Variants in SLC36A1 observed in about 807,000 individuals in gnomAD.
SLC36A1 encodes solute carrier family 36 member 1, also known as proton-coupled amino acid transporter 1.
In SLC36A1, 30 loss-of-function variants were observed where a neutral mutation model predicts 47.5. That is an observed-to-expected ratio of 0.63 (90% CI 0.47 to 0.86). The LOEUF is 0.86. Among genes scored for constraint, SLC36A1 ranks in the 40% least tolerant of loss-of-function variants. SLC36A1 has a pLI of 0.00. For missense variants in SLC36A1, 517 were observed against 606.0 expected (o/e 0.85, Z 1.54); for synonymous variants, 255 against 249.7 (o/e 1.02, Z -0.20).
At chr5:151,482,107 G>A (rs1266203893) in intron 10 of SLC36A1, among the ~76,000 whole-genome samples, 1 of 152,198 alleles carries the variant, frequency 6.6e-6, no homozygotes, top group African/African-American at 2.4e-5. Context: ...TGTTCAGACT[G>A]GAATGCAGAG....
At chr5:151,534,415 C>T in the SLC36A1 span, 10 of 1,605,210 alleles carry the variant, frequency 6.2e-6, no homozygotes, top group African/African-American at 1.3e-5. Flanking sequence ...TCACCTTGGT[C>T]GGGATCCCGG....
intron 7 of SLC36A1, among the ~76,000 whole-genome samples, chr5:151,468,460 T>C (rs1756903464): frequency 6.8e-6 from 1 of 147,824 alleles, no homozygotes; most frequent in African/African-American, 2.5e-5. Flanking sequence ...AATATATATA[T>C]GTAAGTGGAA....
Position 151,488,453 on chromosome 5 carries a change from C to A in SLC36A1, c.*199C>A. ...GTGGGGTGGCAGACACGCAGAAGTG[C>A]TACTAGTGACAGGGCTGCCATCGCT... is the stretch of plus-strand genomic sequence containing the variant. On this transcript the variant is annotated 3_prime_UTR_variant, in exon 11 of 11. Coordinates refer to ENST00000243389, the MANE Select transcript of SLC36A1 (RefSeq NM_078483.4). 1.5e-6 allele frequency: 1 copy of A among 650,722 alleles called. No individual in the cohort carries two copies. Among genetic ancestry groups the A allele is most frequent in the Non-Finnish European group, 2.6e-6 (1 of 385,660 alleles). 40.3% of individuals were successfully genotyped at this position (650,722 alleles called of 1,614,324 possible).
chr5:151,514,664 G>A, the SLC36A1 span, among the ~76,000 whole-genome samples: 49 of 152,082 alleles, frequency 3.2e-4, no homozygotes, highest in African/African-American at 1.0e-3. Flanking sequence ...TTTTCACTAC[G>A]TCTCTCTCCT....
intron 7 of SLC36A1, among the ~76,000 whole-genome samples, chr5:151,469,074 G>A (rs775627400): frequency 6.9e-6 from 1 of 144,548 alleles, no homozygotes; most frequent in Non-Finnish European, 1.5e-5. Flanking sequence ...GTAAAAGCGG[G>A]TAAATAAAAG....
the SLC36A1 span, among the ~76,000 whole-genome samples, chr5:151,498,236 C>T: frequency 6.6e-6 from 1 of 152,094 alleles, no homozygotes; most frequent in Non-Finnish European, 1.5e-5. Flanking sequence ...TGAGCCACTG[C>T]GCACGGCCAG....
intron 10 of SLC36A1, among the ~76,000 whole-genome samples, chr5:151,483,327 TCTCTTGACTCGAAGGG>T (rs1298129539): frequency 6.6e-6 from 1 of 152,232 alleles, no homozygotes; most frequent in Non-Finnish European, 1.5e-5. Context: ...ATTCTTTGTG[TCTCTTGACTCGAAGGG>T]AAGATGTTTT....
chr5:151,387,466 G>C, the SLC36A1 span, among the ~76,000 whole-genome samples: 2 of 152,210 alleles, frequency 1.3e-5, no homozygotes, highest in African/African-American at 4.8e-5. Flanking sequence ...TCTCACTCAA[G>C]TGGCAAGAGT....
At chr5:151,482,708 A>G (rs542604367) in intron 10 of SLC36A1, among the ~76,000 whole-genome samples, 1 of 152,186 alleles carries the variant, frequency 6.6e-6, no homozygotes, top group Non-Finnish European at 1.5e-5. Flanking sequence ...TAACTAAGGT[A>G]CTCCTTTCAT....
chr5:151,512,400 G>A, the SLC36A1 span: 1 of 1,614,114 alleles, frequency 6.2e-7, no homozygotes. The surrounding 1 kb of genome is among the most constrained non-coding windows in gnomAD (Gnocchi z 4.1). Context: ...CCAGCAAGAG[G>A]TGCCTTTCGG....
At chr5:151,376,879 T>G in the SLC36A1 span, among the ~76,000 whole-genome samples, 1 of 152,210 alleles carries the variant, frequency 6.6e-6, no homozygotes, top group East Asian at 1.9e-4. Flanking sequence ...GTGATCCACC[T>G]GCCTCGGCTT....
intron 2 of SLC36A1, 120 bp from the exon 3 acceptor site, chr5:151,463,433 A>G (rs1755859837): frequency 3.9e-6 from 3 of 777,302 alleles, no homozygotes; most frequent in South Asian, 1.6e-5. Flanking sequence ...TTCATCATCT[A>G]TAAGATAAAA....
chr5:151,456,854 G>A (rs1754600065), intron 1 of SLC36A1, among the ~76,000 whole-genome samples: 1 of 152,194 alleles, frequency 6.6e-6, no homozygotes, highest in East Asian at 1.9e-4. Context: ...CCCTGGCACT[G>A]GACCTAAGGA....
the SLC36A1 span, among the ~76,000 whole-genome samples, chr5:151,353,680 A>T: frequency 6.6e-6 from 1 of 151,906 alleles, no homozygotes; most frequent in Non-Finnish European, 1.5e-5. Context: ...GAGTCATTTC[A>T]CTGCCCTAAC....
chr5:151,544,710 ATATT>A, the SLC36A1 span: 1 of 1,614,126 alleles, frequency 6.2e-7, no homozygotes, highest in Non-Finnish European at 8.5e-7. Flanking sequence ...CTTTGAGGTG[ATATT>A]TATTTAAAGC....
the SLC36A1 span, among the ~76,000 whole-genome samples, chr5:151,407,026 G>A: frequency 6.6e-6 from 1 of 152,104 alleles, no homozygotes; most frequent in Non-Finnish European, 1.5e-5. Flanking sequence ...CTTAAAGGTG[G>A]CGCGTCCAGA....
intron 9 of SLC36A1, chr5:151,477,425 T>G (rs1758220361): frequency 6.5e-6 from 1 of 153,068 alleles, no homozygotes; most frequent in Non-Finnish European, 1.5e-5. Flanking sequence ...CTTTTTATTT[T>G]GTTTTGTATT....
the SLC36A1 span, among the ~76,000 whole-genome samples, chr5:151,370,704 G>A: frequency 3.8e-4 from 58 of 152,088 alleles, no homozygotes; most frequent in Non-Finnish European, 6.9e-4. Context: ...GATTTAAATT[G>A]CTTCTAGGCT....
the SLC36A1 span, among the ~76,000 whole-genome samples, chr5:151,346,017 C>A: frequency 6.6e-6 from 1 of 152,186 alleles, no homozygotes. Flanking sequence ...CTGGGTGAGC[C>A]AACCCCATCG....
Sources: gnomAD v4.1 joint callset for allele counts (sites outside exome capture counted in the v4.1 genomes callset) on GRCh38, gnomAD v4.1.1 for gene constraint, Gnocchi (gnomAD v3.1) non-coding constraint, MANE v1.5 for transcripts, NCBI Gene and HGNC (gene_info 2026-07-23, HGNC 2026-07-21) for gene names.